FKBP5: variants seen among roughly 807,000 people sequenced by gnomAD.
FKBP5 encodes FKBP prolyl isomerase 5, also known as peptidyl-prolyl cis-trans isomerase FKBP5.
In FKBP5, 23 loss-of-function variants were observed where a neutral mutation model predicts 50.5. The observed-to-expected ratio is 0.46, with a 90% CI of 0.33 to 0.65. The LOEUF is 0.65. Among genes scored for constraint, FKBP5 ranks in the 30% least tolerant of loss-of-function variants. FKBP5 has a pLI of 0.02. For synonymous variants in FKBP5, 176 were observed against 190.6 expected, an observed-to-expected ratio of 0.92 and a Z score of 0.63; for missense variants, 411 against 553.1, an observed-to-expected ratio of 0.74 and a Z score of 2.58.
In FKBP5 at chr6:35,638,401, T is replaced by C. The variant is rs186719308; in HGVS notation, c.106-1243A>G. The stretch of plus-strand genomic sequence containing the variant: ...ACTTAAATTCCACAGCTTTCTTAAC[T>C]CAAAAGCCCAAACATCTTTATTTTA... On this transcript the variant is annotated intron_variant, in intron 2 of 10. Transcript: ENST00000357266. Among the ~76,000 whole-genome samples the C allele has an allele frequency of 2.4e-3, 360 of 152,284 alleles. 6 individuals carry two copies. Among genetic ancestry groups the C allele is most frequent in the South Asian group, 0.018 (87 of 4,816 alleles).
intron 2 of FKBP5, among the ~76,000 whole-genome samples, chr6:35,713,488 C>T (rs1335047972): frequency 6.6e-6 from 1 of 152,214 alleles, no homozygotes; most frequent in African/African-American, 2.4e-5. Context: ...CACCCTTTGA[C>T]AGTTAAGGAA....
At chr6:35,665,757 T>C (rs1396977279) in intron 1 of FKBP5, among the ~76,000 whole-genome samples, 1 of 152,160 alleles carries the variant, frequency 6.6e-6, no homozygotes, top group Non-Finnish European at 1.5e-5. Flanking sequence ...CTATGGACAG[T>C]CCCCAACTTA....
chr6:35,722,928 G>A (rs1766638853), intron 1 of FKBP5, among the ~76,000 whole-genome samples: 2 of 152,196 alleles, frequency 1.3e-5, no homozygotes, highest in African/African-American at 4.8e-5. Context: ...ACACACAGTA[G>A]GTGCTTAATC....
chr6:35,573,774 C>A lies in FKBP5; in HGVS notation c.*2061G>T, dbSNP rs1039865154. The A allele has an allele frequency of 6.6e-6, 1 of 152,044 alleles. No individual in the cohort carries two copies. The highest frequency in any genetic ancestry group is 2.1e-4 in the South Asian group (1 of 4,822). 9.4% of individuals were successfully genotyped at this position (152,044 alleles called of 1,614,324 possible). Reference sequence around the variant, plus strand: ...TTGTTTAAGATTATTGAATTTGATACAAGAATACGTGAAGTGTCTTCTTGA... The same window carrying A: ...TTGTTTAAGATTATTGAATTTGATAAAAGAATACGTGAAGTGTCTTCTTGA... On this transcript the variant is annotated 3_prime_UTR_variant, in exon 11 of 11. Coordinates refer to ENST00000357266, the MANE Select transcript of FKBP5 (RefSeq NM_004117.4).
intron 1 of FKBP5, among the ~76,000 whole-genome samples, chr6:35,647,449 G>A (rs1764660810): frequency 6.6e-6 from 1 of 152,224 alleles, no homozygotes; most frequent in South Asian, 2.1e-4. Flanking sequence ...TGGAAAACAA[G>A]ACATGTTCCT....
intron 5 of FKBP5, among the ~76,000 whole-genome samples, chr6:35,602,188 T>C (rs1763167171): frequency 6.6e-6 from 1 of 152,086 alleles, no homozygotes; most frequent in Non-Finnish European, 1.5e-5. Flanking sequence ...TGCACAGCAG[T>C]AACAAAAATG....
chr6:35,623,073 T>C (rs1308414353), intron 3 of FKBP5, among the ~76,000 whole-genome samples: 3 of 151,890 alleles, frequency 2.0e-5, no homozygotes, highest in Non-Finnish European at 2.9e-5. Context: ...AAACCCCATC[T>C]CCACTAAAAA....
At chr6:35,634,631 T>TA (rs1764254840) in intron 3 of FKBP5, among the ~76,000 whole-genome samples, 1 of 152,088 alleles carries the variant, frequency 6.6e-6, no homozygotes, top group African/African-American at 2.4e-5. Context: ...GATCCATGCT[T>TA]AGTTAGCAAT....
chr6:35,674,028 C>T (rs1765463038), intron 1 of FKBP5, among the ~76,000 whole-genome samples: 1 of 152,172 alleles, frequency 6.6e-6, no homozygotes, highest in South Asian at 2.1e-4. Flanking sequence ...TCCCTTCCTT[C>T]TTCCCTTTCT....
chr6:35,616,314 CAAAAAAAAAAAAA>C (rs34779549), intron 5 of FKBP5, among the ~76,000 whole-genome samples: 15 of 57,454 alleles, frequency 2.6e-4, no homozygotes, highest in Non-Finnish European at 4.4e-4. Flanking sequence ...GACTCCATCT[CAAAAAAAAAAAAA>C]AAAAAAAAAA....
chr6:35,622,968 C>T lies in FKBP5; in HGVS notation c.251-2694G>A, dbSNP rs188854326. Among the ~76,000 whole-genome samples the T allele has an allele frequency of 4.8e-4, 73 of 152,292 alleles. No individual in the cohort carries two copies. In the Middle Eastern group the frequency reaches 0.01, roughly 21 times the overall value. ...TTAAGAATTATTAGATAAGGCCGGG[C>T]GTGGTGGCTCACGCCTGTAATCCCA... is the stretch of plus-strand genomic sequence containing the variant. On this transcript the variant is annotated intron_variant, in intron 3 of 10. Transcript: ENST00000357266.
intron 5 of FKBP5, among the ~76,000 whole-genome samples, chr6:35,615,207 T>C (rs1482086087): frequency 6.6e-6 from 1 of 151,268 alleles, no homozygotes; most frequent in East Asian, 1.9e-4. Context: ...TAGAAATACA[T>C]ATAGATGTAT....
chr6:35,640,680 G>A (rs771271630), intron 2 of FKBP5, among the ~76,000 whole-genome samples: 1 of 151,754 alleles, frequency 6.6e-6, no homozygotes, highest in African/African-American at 2.4e-5. Flanking sequence ...CACAAACACT[G>A]TACAGCTGTA....
At chr6:35,607,982 T>G (rs1250105282) in intron 5 of FKBP5, 1 of 148,984 alleles carries the variant, frequency 6.7e-6, no homozygotes, top group Non-Finnish European at 1.5e-5. Context: ...CTTGACAGAC[T>G]TGAAATAAAA....
At chr6:35,614,074 T>C (rs1581816281) in intron 5 of FKBP5, among the ~76,000 whole-genome samples, 2 of 152,172 alleles carry the variant, frequency 1.3e-5, no homozygotes, top group Middle Eastern at 6.8e-3. Context: ...TGTTAAACTT[T>C]TTGCAGAGAC....
chr6:35,597,218 C>T, intron 6 of FKBP5, 30 bp downstream of exon 6: 3 of 1,611,514 alleles, frequency 1.9e-6, no homozygotes, highest in Non-Finnish European at 2.5e-6. Flanking sequence ...TAGGTGACTT[C>T]ACTGTGTTCC....
rs572463505 is a variant in FKBP5, at chr6:35,635,152, T to C, written c.250+1862A>G. Among the ~76,000 whole-genome samples, 20 of 151,394 alleles carry C rather than the reference T, an allele frequency of 1.3e-4. No individual in the cohort carries two copies. In the South Asian group the frequency reaches 3.5e-3, roughly 27 times the overall value. On this transcript the variant is annotated intron_variant, in intron 3 of 10. Transcript: ENST00000357266. The stretch of plus-strand genomic sequence containing the variant: ...GAGTTCATGGCTAGCCTGGCCAACA[T>C]GGCAAAGCCCCATCTCTACAAAAAA...
In FKBP5 at chr6:35,625,256, G is replaced by A. The variant is rs182687210; in HGVS notation, c.251-4982C>T. On this transcript the variant is annotated intron_variant, in intron 3 of 10. Transcript: ENST00000357266. ...GTGCCACTACGCTTAGGTAATTTTTGTATTTTTTGGTAGAGACAGGGTTTC... is the reference window on the plus strand; with the variant it reads ...GTGCCACTACGCTTAGGTAATTTTTATATTTTTTGGTAGAGACAGGGTTTC... Among the ~76,000 whole-genome samples the A allele has an allele frequency of 1.9e-3, 287 of 152,032 alleles. 2 individuals carry two copies. The highest frequency in any genetic ancestry group is 6.5e-3 in the African/African-American group (271 of 41,476).
intron 1 of FKBP5, among the ~76,000 whole-genome samples, chr6:35,662,754 T>C (rs768292795): frequency 6.6e-6 from 1 of 152,240 alleles, no homozygotes; most frequent in East Asian, 1.9e-4. Context: ...TCATTTTTGC[T>C]GCTTTTGGCC....
Sources: gnomAD v4.1 joint callset for allele counts (sites outside exome capture counted in the v4.1 genomes callset) on GRCh38, gnomAD v4.1.1 for gene constraint, MANE v1.5 for transcripts, NCBI Gene and HGNC (gene_info 2026-07-23, HGNC 2026-07-21) for gene names.